BTAF1: variants seen among roughly 807,000 people sequenced by gnomAD.
The protein encoded by BTAF1 is TATA-binding protein-associated factor 172.
Under a neutral mutation model 227.1 loss-of-function variants are expected in BTAF1, and 38 were observed. The ratio of observed to expected loss-of-function variants is 0.17; its 90% CI spans 0.13 to 0.22. BTAF1 has a LOEUF of 0.22. Among genes scored for constraint, BTAF1 ranks in the 10% least tolerant of loss-of-function variants. The pLI is 1.00. For missense variants in BTAF1, 1,598 were observed against 2,204.0 expected (o/e 0.73, Z 5.51); for synonymous variants, 742 against 751.9 (o/e 0.99, Z 0.21).
At chr10:91,982,798 AG>A (rs753668323) in intron 18 of BTAF1, 37 bp downstream of exon 18, 5 of 1,538,672 alleles carry the variant, frequency 3.2e-6, no homozygotes, top group Admixed American at 3.8e-5. Context: ...AGACAAATTA[AG>A]TAAACCAATT....
chr10:92,011,442 ATTATTT>A (rs1161834321), intron 30 of BTAF1, 27 bp downstream of exon 30: 14 of 1,084,714 alleles, frequency 1.3e-5, no homozygotes, highest in East Asian at 6.9e-5. Flanking sequence ...ATTTTTTTTA[ATTATTT>A]TTATTTTTAT....
At chr10:91,996,702 A>G in intron 24 of BTAF1, 132 bp downstream of exon 24, 1 of 796,548 alleles carries the variant, frequency 1.3e-6, no homozygotes, top group East Asian at 2.7e-5. Flanking sequence ...TATTCTTTTT[A>G]CATCTTATTT....
chr10:91,998,609 A>G (rs1423375728), intron 25 of BTAF1, among the ~76,000 whole-genome samples: 1 of 152,242 alleles, frequency 6.6e-6, no homozygotes, highest in African/African-American at 2.4e-5. Context: ...AATTCAGGAA[A>G]TAGTAGGTAT....
chr10:92,026,668 G>A lies in BTAF1; in HGVS notation c.5152G>A (p.Ala1718Thr), dbSNP rs1564727860. 6 of 1,613,828 alleles carry A rather than the reference G, an allele frequency of 3.7e-6. No homozygotes were observed. Among genetic ancestry groups the A allele is most frequent in the Non-Finnish European group, 5.1e-6 (6 of 1,179,916 alleles). ...TGGCCTGGGACTTAATTTGACAGGC[G>A]CTGACACAGTAGTATTTGTGGAGCA... ...VGGLGLNLTG[A>T]DTVVFVEHDW... The change falls in exon 36 of 38, where the codon GCT (alanine) becomes ACT (threonine). Residue 1718 changes from alanine (A) to threonine (T), a missense_variant. Around this residue, in one of 10 missense-constraint regions of BTAF1, gnomAD observed 205 missense variants for 244.5 expected, o/e 0.84. Coordinates refer to ENST00000265990, the MANE Select transcript of BTAF1 (RefSeq NM_003972.3).
chr10:92,008,882 G>C lies in BTAF1; in HGVS notation c.3867G>C (p.Leu1289=). 6.2e-7 allele frequency: 1 copy of C among 1,613,156 alleles called. No homozygotes were observed. Among genetic ancestry groups the C allele is most frequent in the Non-Finnish European group, 8.5e-7 (1 of 1,179,224 alleles). Residue 1289 remains leucine, a synonymous_variant, in exon 27 of 38, where the codon CTG becomes CTC. Coordinates refer to ENST00000265990, the MANE Select transcript of BTAF1 (RefSeq NM_003972.3). ...FLNKYKLHGI[L]CDDMGLGKTL... ...ATAAGTATAAACTTCATGGAATTCT[G>C]TGTGATGACATGGGTTTAGGAAAAA...
intron 1 of BTAF1, among the ~76,000 whole-genome samples, chr10:91,925,107 G>A (rs1055257884): frequency 6.6e-6 from 1 of 152,162 alleles, no homozygotes; most frequent in African/African-American, 2.4e-5. Context: ...AGACTCCCTA[G>A]ATGACTGATG....
rs1236345573 is a variant in BTAF1 at position 92,030,515 on chromosome 10, A to G, written c.*1582A>G. On this transcript the variant is annotated 3_prime_UTR_variant, in exon 38 of 38. Transcript: ENST00000265990. ...TAGTTCCATAAACCAGCTCTTTAAC[A>G]TAGCTTATAGTAATTGATATTTTCT... is the stretch of plus-strand genomic sequence containing the variant. 6.6e-6 allele frequency among the ~76,000 whole-genome samples: 1 copy of G among 152,148 alleles called. No individual in the cohort carries two copies. The highest frequency in any genetic ancestry group is 2.4e-5 in the African/African-American group (1 of 41,452).
In BTAF1 at chr10:91,965,088, T is replaced by A. The variant is rs569748802; in HGVS notation, c.1529+887T>A. Among the ~76,000 whole-genome samples, 4 of 152,294 alleles carry A rather than the reference T, an allele frequency of 2.6e-5. No homozygotes were observed. In the South Asian group the frequency reaches 8.3e-4, roughly 32 times the overall value. On this transcript the variant is annotated intron_variant, in intron 13 of 37. Transcript: ENST00000265990. Reference sequence around the variant, plus strand: ...ACTGGAAGTACTTTAATGCTAAGTTTAGATTAGTTGGATAGCCTATAAGTA... The same window carrying A: ...ACTGGAAGTACTTTAATGCTAAGTTAAGATTAGTTGGATAGCCTATAAGTA...
chr10:91,997,577 CA>C (rs1457611020), intron 24 of BTAF1, 25 bp from the exon 25 acceptor site: 1 of 1,604,398 alleles, frequency 6.2e-7, no homozygotes, highest in Non-Finnish European at 8.5e-7. Context: ...GGAACCATTT[CA>C]AAATTTCCTT....
At chr10:91,947,645 C>CAACTTTGT (rs1845463568) in intron 4 of BTAF1, among the ~76,000 whole-genome samples, 1 of 147,326 alleles carries the variant, frequency 6.8e-6, no homozygotes, top group African/African-American at 2.5e-5. Flanking sequence ...CATGAGCCTC[C>CAACTTTGT]AACTTTGTTC....
intron 1 of BTAF1, among the ~76,000 whole-genome samples, chr10:91,925,212 A>G (rs1363231104): frequency 2.0e-5 from 3 of 152,150 alleles, no homozygotes; most frequent in Non-Finnish European, 4.4e-5. Flanking sequence ...TAATCTATTC[A>G]ATGTGAGGAA....
intron 14 of BTAF1, among the ~76,000 whole-genome samples, chr10:91,976,604 G>A (rs930192178): frequency 1.3e-5 from 2 of 152,128 alleles, no homozygotes; most frequent in Non-Finnish European, 2.9e-5. Context: ...TAGGAGCTCT[G>A]TGCCAGGAGC....
chr10:91,986,356 G>A (rs1462378278), intron 19 of BTAF1, among the ~76,000 whole-genome samples: 1 of 152,100 alleles, frequency 6.6e-6, no homozygotes, highest in Non-Finnish European at 1.5e-5. Context: ...TTTGTACTTA[G>A]TAAGTGCATG....
chr10:92,015,648 G>T (rs1850669385), intron 32 of BTAF1, among the ~76,000 whole-genome samples: 1 of 152,236 alleles, frequency 6.6e-6, no homozygotes, highest in South Asian at 2.1e-4. Context: ...TTTACTGGTT[G>T]TGGTGCTGTA....
intron 25 of BTAF1, 113 bp from the exon 26 acceptor site, chr10:92,008,010 C>A: frequency 9.8e-7 from 1 of 1,017,834 alleles, no homozygotes; most frequent in Non-Finnish European, 1.4e-6. Flanking sequence ...GTCTTCAAGT[C>A]TTTGTACAAT....
chr10:92,022,904 T>C (rs918531588), intron 34 of BTAF1, among the ~76,000 whole-genome samples: 22 of 152,126 alleles, frequency 1.4e-4, no homozygotes, highest in African/African-American at 5.3e-4. Context: ...TATTCTACTA[T>C]ATAATAAAAA....
intron 25 of BTAF1, among the ~76,000 whole-genome samples, chr10:92,000,711 C>T (rs1287192185): frequency 2.6e-5 from 4 of 152,068 alleles, no homozygotes; most frequent in African/African-American, 9.7e-5. Context: ...GTGCTGGCCA[C>T]CATGCTAATT....
At chr10:91,994,742 T>A (rs533560187) in intron 23 of BTAF1, 98 bp downstream of exon 23, 1 of 972,966 alleles carries the variant, frequency 1.0e-6, no homozygotes, top group African/African-American at 1.6e-5. Flanking sequence ...ATGTCATCCT[T>A]ATTAATTGCA....
At chr10:91,950,232 A>G (rs941972795) in intron 4 of BTAF1, among the ~76,000 whole-genome samples, 2 of 151,958 alleles carry the variant, frequency 1.3e-5, no homozygotes, top group Non-Finnish European at 2.9e-5. Flanking sequence ...TCTTCAGGCT[A>G]AAAGCTACAA....
Sources: gnomAD v4.1 joint callset for allele counts (sites outside exome capture counted in the v4.1 genomes callset) on GRCh38, gnomAD v4.1.1 for gene constraint, gnomAD v4.1.1 regional missense constraint, MANE v1.5 for transcripts, NCBI Gene and HGNC (gene_info 2026-07-23, HGNC 2026-07-21) for gene names.